The following POU6F2 variants were observed in gnomAD, a reference collection of about 807,000 sequenced individuals.
The protein encoded by POU6F2 is POU class 6 homeobox 2.
A neutral mutation model predicts 71.3 loss-of-function variants in POU6F2; 31 were observed. That is an observed-to-expected ratio of 0.43 (90% CI 0.33 to 0.59). The LOEUF (loss-of-function observed/expected upper bound fraction) is 0.59. Among genes scored for constraint, POU6F2 ranks in the 20% least tolerant of loss-of-function variants. POU6F2 has a pLI of 0.04. For synonymous variants in POU6F2, 347 were observed against 355.7 expected (o/e 0.98, Z 0.27); for missense variants, 783 against 856.8 (o/e 0.91, Z 1.07).
At chr7:39,374,455 T>C (rs1266484980) in intron 5 of POU6F2, among the ~76,000 whole-genome samples, 1 of 152,196 alleles carries the variant, frequency 6.6e-6, no homozygotes, top group Non-Finnish European at 1.5e-5. Context: ...TTTCTGGGTC[T>C]GGAGGAAAGC....
intron 1 of POU6F2, among the ~76,000 whole-genome samples, chr7:39,011,175 C>T (rs892036612): frequency 7.2e-6 from 1 of 138,662 alleles, no homozygotes; most frequent in African/African-American, 2.7e-5. Flanking sequence ...CTTTGTAGGT[C>T]ACTCAGGACT....
chr7:39,264,179 G>A (rs1250153481), intron 4 of POU6F2, among the ~76,000 whole-genome samples: 1 of 152,130 alleles, frequency 6.6e-6, no homozygotes, highest in African/African-American at 2.4e-5. Context: ...GGCTGTGTGG[G>A]CAATTCACCC....
chr7:39,446,881 A>T (rs1788535608), intron 7 of POU6F2, among the ~76,000 whole-genome samples: 1 of 152,254 alleles, frequency 6.6e-6, no homozygotes, highest in African/African-American at 2.4e-5. Context: ...AAAAAAGGGC[A>T]AGAAAGTGAT....
At chr7:39,038,051 T>C (rs1002880793) in intron 1 of POU6F2, among the ~76,000 whole-genome samples, 6 of 152,114 alleles carry the variant, frequency 3.9e-5, no homozygotes, top group Non-Finnish European at 7.4e-5. Flanking sequence ...TGAATGAATG[T>C]GTGTTGGTCA....
rs200545911 is a variant in POU6F2 at position 39,459,451 on chromosome 7, G to GGGTTT, written c.1490-1095_1490-1091dup. ...TGGCGTGCAAATGTTCTGGTTTTGT[G>GGGTTT]GGTTTTGTTTTGTTTTGTTTTGTTT... On this transcript the variant is annotated intron_variant, in intron 8 of 9. Coordinates refer to ENST00000518318, the MANE Select transcript of POU6F2 (RefSeq NM_001370959.1). Among the ~76,000 whole-genome samples the GGGTTT allele has an allele frequency of 9.9e-3, 1,304 of 131,756 alleles. 23 individuals are homozygous for GGGTTT. The highest frequency in any genetic ancestry group is 0.082 in the East Asian group (316 of 3,858). The allele number at this position is 131,756 out of a possible 152,430, so 86.4% of individuals were successfully genotyped here.
chr7:39,179,073 T>G (rs887164958), intron 2 of POU6F2, among the ~76,000 whole-genome samples: 2 of 151,976 alleles, frequency 1.3e-5, no homozygotes, highest in Admixed American at 6.6e-5. Context: ...ATACCTGGAG[T>G]TTAGATTCCA....
intron 2 of POU6F2, among the ~76,000 whole-genome samples, chr7:39,179,567 A>C (rs1195212624): frequency 6.6e-6 from 1 of 152,230 alleles, no homozygotes; most frequent in African/African-American, 2.4e-5. Flanking sequence ...AGTCTACAGA[A>C]CTGATCTTTG....
rs1182819244 is a variant in POU6F2 at position 39,464,947 on chromosome 7, A to AG, written c.*263dup. On this transcript the variant is annotated 3_prime_UTR_variant, in exon 10 of 10. Coordinates refer to ENST00000518318, the MANE Select transcript of POU6F2 (RefSeq NM_001370959.1). The surrounding 1 kb of genome is among the most constrained non-coding windows in gnomAD (Gnocchi z 4.1). ...ACACCACACTGAAGGTGTGTGTGGT[A>AG]GGATAGTTCCCTTCCCCCACCTGTC... is the stretch of plus-strand genomic sequence containing the variant. 2.3e-6 allele frequency: 1 copy of AG among 435,568 alleles called. No homozygotes were observed. 27.0% of individuals were successfully genotyped at this position (435,568 alleles called of 1,614,324 possible).
intron 4 of POU6F2, among the ~76,000 whole-genome samples, chr7:39,225,067 A>G (rs1387156822): frequency 3.9e-5 from 6 of 152,256 alleles, no homozygotes; most frequent in Non-Finnish European, 8.8e-5. Flanking sequence ...TGAATGAATT[A>G]AAAAACAAAA....
At chr7:39,176,471 C>A (rs1584584005) in intron 2 of POU6F2, among the ~76,000 whole-genome samples, 2 of 152,172 alleles carry the variant, frequency 1.3e-5, no homozygotes, top group Non-Finnish European at 2.9e-5. Context: ...CCTCTGCTCT[C>A]ACATTTCATC....
At chr7:39,177,244 C>T (rs780587023) in intron 2 of POU6F2, among the ~76,000 whole-genome samples, 9 of 152,188 alleles carry the variant, frequency 5.9e-5, no homozygotes, top group Non-Finnish European at 1.3e-4. Flanking sequence ...TCAGAAGCTA[C>T]AAGAATTTCC....
intron 4 of POU6F2, among the ~76,000 whole-genome samples, chr7:39,262,736 T>C (rs1281218946): frequency 6.6e-6 from 1 of 151,564 alleles, no homozygotes; most frequent in Non-Finnish European, 1.5e-5. Flanking sequence ...ATAGTTGTAG[T>C]TTGTTGTTGT....
chr7:39,462,087 G>A (rs917055267), intron 9 of POU6F2, among the ~76,000 whole-genome samples: 4 of 152,182 alleles, frequency 2.6e-5, no homozygotes, highest in Admixed American at 6.5e-5. Context: ...GTCCTAAAAC[G>A]TGATTTTCTT....
chr7:39,438,412 G>A (rs1397017665), intron 7 of POU6F2, among the ~76,000 whole-genome samples: 3 of 152,188 alleles, frequency 2.0e-5, no homozygotes, highest in Admixed American at 1.3e-4. Context: ...ACATACATGT[G>A]CATGTGTCTT....
chr7:39,237,428 A>G (rs1464024399), intron 4 of POU6F2, among the ~76,000 whole-genome samples: 2 of 152,174 alleles, frequency 1.3e-5, no homozygotes, highest in African/African-American at 4.8e-5. Flanking sequence ...GTGAAACTTG[A>G]TTTACATTAA....
chr7:38,980,944 C>T (rs533578417), intron 1 of POU6F2, among the ~76,000 whole-genome samples: 2 of 152,282 alleles, frequency 1.3e-5, no homozygotes, highest in Admixed American at 1.3e-4. Context: ...AGAAATTGCT[C>T]ATATATGCCT....
At chr7:39,278,443 C>T (rs1368119882) in intron 4 of POU6F2, among the ~76,000 whole-genome samples, 2 of 152,134 alleles carry the variant, frequency 1.3e-5, no homozygotes, top group Non-Finnish European at 2.9e-5. Flanking sequence ...CAATATTCTT[C>T]CACTCTGTTC....
At chr7:39,140,994 G>A (rs1792486831) in intron 2 of POU6F2, among the ~76,000 whole-genome samples, 1 of 152,120 alleles carries the variant, frequency 6.6e-6, no homozygotes. Flanking sequence ...TCCCTTTTGG[G>A]ATTGTGGAGA....
intron 4 of POU6F2, among the ~76,000 whole-genome samples, chr7:39,302,948 G>A (rs1418982811): frequency 6.6e-6 from 1 of 152,182 alleles, no homozygotes; most frequent in East Asian, 1.9e-4. Context: ...ACAGATTCCT[G>A]GGTCCTACCC....
Sources: gnomAD v4.1 joint callset for allele counts (sites outside exome capture counted in the v4.1 genomes callset) on GRCh38, gnomAD v4.1.1 for gene constraint, Gnocchi (gnomAD v3.1) non-coding constraint, MANE v1.5 for transcripts, NCBI Gene and HGNC (gene_info 2026-07-23, HGNC 2026-07-21) for gene names.